Variants in CLVS1 observed in about 807,000 individuals in gnomAD.
CLVS1 encodes the protein clavesin-1.
In CLVS1, 10 loss-of-function variants were observed where a neutral mutation model predicts 33.1. The observed-to-expected ratio is 0.30, with a 90% CI of 0.19 to 0.51. The LOEUF is 0.51. Ranked by LOEUF, CLVS1 falls within the 20% of genes least tolerant of loss-of-function variation. The pLI is 0.97. For missense variants in CLVS1, 343 were observed against 433.4 expected, an observed-to-expected ratio of 0.79 and a Z score of 1.85; for synonymous variants, 163 against 166.1, an observed-to-expected ratio of 0.98 and a Z score of 0.14.
chr8:61,024,856 CTT>C, the CLVS1 span, among the ~76,000 whole-genome samples: 4 of 142,996 alleles, frequency 2.8e-5, no homozygotes, highest in Non-Finnish European at 4.6e-5. Context: ...TTTTTTCTTT[CTT>C]TTTTTTTTTT....
At position 61,232,023 on chromosome 8, in the gene CLVS1, G is replaced by GTTTGTTTTTTTTTTTTTT; in HGVS notation, c.-151-67651_-151-67650insGTTTTTTTTTTTTTTTTT. Reference sequence around the variant, plus strand: ...AGAAGGAGCCCTGAGGAAAGTTGTGGTTTTTTTTTTTTTTTTTTTTTTTTT... The same window carrying GTTTGTTTTTTTTTTTTTT: ...AGAAGGAGCCCTGAGGAAAGTTGTGGTTTGTTTTTTTTTTTTTTTTTTTTTTTTTTTTTTTTTTTTTTT... On this transcript the variant is annotated intron_variant, in intron 2 of 2. Transcript: ENST00000522621. Among the ~76,000 whole-genome samples the GTTTGTTTTTTTTTTTTTT allele has an allele frequency of 8.8e-4, 55 of 62,656 alleles. 2 individuals carry two copies. Among genetic ancestry groups the GTTTGTTTTTTTTTTTTTT allele is most frequent in the East Asian group, 1.7e-3 (5 of 2,866 alleles). The allele number at this position is 62,656 out of a possible 152,430, so 41.1% of individuals were successfully genotyped here.
At chr8:61,013,596 A>T in the CLVS1 span, among the ~76,000 whole-genome samples, 5 of 152,180 alleles carry the variant, frequency 3.3e-5, no homozygotes, top group African/African-American at 1.2e-4. Flanking sequence ...GAAATAAAAG[A>T]TCATACATTG....
chr8:61,075,808 A>G (rs1409219879), intron 1 of CLVS1, among the ~76,000 whole-genome samples: 2 of 152,150 alleles, frequency 1.3e-5, no homozygotes, highest in Non-Finnish European at 2.9e-5. Flanking sequence ...TCACTGCTCT[A>G]TTAGTTCAAG....
chr8:61,288,859 T>G (rs1809874825), intron 1 of CLVS1, among the ~76,000 whole-genome samples: 1 of 152,188 alleles, frequency 6.6e-6, no homozygotes. Context: ...AGAATTAAGT[T>G]TTTTCTTCTT....
chr8:61,265,020 G>A (rs1169769526), intron 2 of CLVS1, among the ~76,000 whole-genome samples: 1 of 152,164 alleles, frequency 6.6e-6, no homozygotes, highest in African/African-American at 2.4e-5. Context: ...TTCCCTTGAA[G>A]GAACTCAAGA....
chr8:61,351,387 C>G lies in CLVS1; in HGVS notation c.456-25218C>G, dbSNP rs138064907. Among the ~76,000 whole-genome samples the G allele has an allele frequency of 4.5e-3, 681 of 151,984 alleles. 1 individual carries two copies. The highest frequency in any genetic ancestry group is 6.5e-3 in the Non-Finnish European group (440 of 67,934). ...TAAGGACAGATCAATAGAATTTACCCAATATGAACAGAGAGAAAATATACT... is the reference window on the plus strand; with the variant it reads ...TAAGGACAGATCAATAGAATTTACCGAATATGAACAGAGAGAAAATATACT... On this transcript the variant is annotated intron_variant, in intron 2 of 5. Coordinates refer to ENST00000325897, the MANE Select transcript of CLVS1 (RefSeq NM_173519.3).
intron 3 of CLVS1, among the ~76,000 whole-genome samples, chr8:61,394,626 A>G (rs1165794418): frequency 6.6e-6 from 1 of 152,114 alleles, no homozygotes; most frequent in African/African-American, 2.4e-5. Context: ...GCCAGCGGTG[A>G]CAGGCCTCAC....
chr8:61,303,645 C>T (rs1024621561), intron 2 of CLVS1, among the ~76,000 whole-genome samples: 6 of 152,084 alleles, frequency 3.9e-5, no homozygotes, highest in East Asian at 1.9e-4. Flanking sequence ...GCCAAATATT[C>T]GATGCAAACA....
At chr8:61,493,986 C>A (rs1804186862) in intron 5 of CLVS1, among the ~76,000 whole-genome samples, 1 of 152,024 alleles carries the variant, frequency 6.6e-6, no homozygotes, top group Non-Finnish European at 1.5e-5. Context: ...CTCAAGAAGG[C>A]AATGCAGGGC....
intron 2 of CLVS1, among the ~76,000 whole-genome samples, chr8:61,188,447 AC>A (rs767239284): frequency 6.6e-5 from 10 of 152,128 alleles, no homozygotes; most frequent in Non-Finnish European, 1.0e-4. Flanking sequence ...CAGACAACAG[AC>A]AGATAGAGAA....
chr8:60,973,723 C>T, the CLVS1 span, among the ~76,000 whole-genome samples: 7 of 152,168 alleles, frequency 4.6e-5, no homozygotes, highest in African/African-American at 1.7e-4. Flanking sequence ...TGGAATGCCC[C>T]CGGAAGGACA....
chr8:61,368,193 C>T (rs1813292662), intron 2 of CLVS1, among the ~76,000 whole-genome samples: 1 of 152,216 alleles, frequency 6.6e-6, no homozygotes, highest in Non-Finnish European at 1.5e-5. Context: ...AGTTATTGCA[C>T]ATGCACACAC....
intron 2 of CLVS1, among the ~76,000 whole-genome samples, chr8:61,223,730 G>T (rs1038420148): frequency 2.0e-5 from 3 of 152,192 alleles, no homozygotes; most frequent in Non-Finnish European, 4.4e-5. Flanking sequence ...GGCCTGTCTT[G>T]CTAAGTTGGG....
intron 2 of CLVS1, among the ~76,000 whole-genome samples, chr8:61,187,017 A>G (rs1362136622): frequency 1.3e-5 from 2 of 152,238 alleles, no homozygotes; most frequent in Non-Finnish European, 2.9e-5. Flanking sequence ...GTTGTACTAC[A>G]CAGCTAAACT....
chr8:61,002,534 A>G, the CLVS1 span, among the ~76,000 whole-genome samples: 1 of 151,612 alleles, frequency 6.6e-6, no homozygotes, highest in Non-Finnish European at 1.5e-5. Flanking sequence ...GGGTTTCACC[A>G]TGTTGGCCAG....
intron 2 of CLVS1, among the ~76,000 whole-genome samples, chr8:61,314,309 G>T (rs1032371133): frequency 6.6e-6 from 1 of 151,960 alleles, no homozygotes; most frequent in African/African-American, 2.4e-5. Context: ...CCATGGGTAG[G>T]GTATTTCACT....
chr8:61,347,879 T>G (rs1218706695), intron 2 of CLVS1, among the ~76,000 whole-genome samples: 2 of 151,628 alleles, frequency 1.3e-5, no homozygotes, highest in African/African-American at 4.8e-5. Flanking sequence ...TGTACCAATT[T>G]ACATTCCCAC....
the CLVS1 span, among the ~76,000 whole-genome samples, chr8:61,032,394 C>T: frequency 2.6e-5 from 4 of 152,322 alleles, no homozygotes; most frequent in Non-Finnish European, 4.4e-5. Context: ...ACTGCCACTT[C>T]GCTATGGTTT....
At chr8:61,193,941 TGAAAG>T (rs1807549033) in intron 2 of CLVS1, among the ~76,000 whole-genome samples, 1 of 152,056 alleles carries the variant, frequency 6.6e-6, no homozygotes, top group Non-Finnish European at 1.5e-5. Context: ...CATAAGTAAA[TGAAAG>T]GAATCCATTC....
Sources: allele counts gnomAD v4.1 joint callset (sites outside exome capture counted in the v4.1 genomes callset), GRCh38; gene constraint gnomAD v4.1.1; transcripts MANE v1.5; gene names NCBI Gene and HGNC (gene_info 2026-07-23, HGNC 2026-07-21).